The following CALN1 variants were observed in gnomAD, a reference collection of about 807,000 sequenced individuals.
The protein encoded by CALN1 is calcium-binding protein 8.
A neutral mutation model predicts 30.6 loss-of-function variants in CALN1; 17 were observed. The ratio of observed to expected loss-of-function variants is 0.56; its 90% CI spans 0.38 to 0.83. The LOEUF is 0.83. Ranked by LOEUF, CALN1 falls within the 40% of genes least tolerant of loss-of-function variation. The probability of loss-of-function intolerance (pLI) is 0.00; values close to 1 mark genes in which losing one functional copy is unlikely to be tolerated. For synonymous variants in CALN1, 156 were observed against 131.4 expected (o/e 1.19, Z -1.28); for missense variants, 291 against 354.9 (o/e 0.82, Z 1.45).
chr7:72,261,872 G>C (rs533299578), intron 3 of CALN1, among the ~76,000 whole-genome samples: 4 of 152,292 alleles, frequency 2.6e-5, no homozygotes, highest in African/African-American at 7.2e-5. Context: ...AAATGGCCTT[G>C]AATGTTAACC....
intron 5 of CALN1, among the ~76,000 whole-genome samples, chr7:71,959,487 T>C (rs1442658754): frequency 6.6e-6 from 1 of 152,208 alleles, no homozygotes; most frequent in Non-Finnish European, 1.5e-5. Flanking sequence ...AAAACGACTA[T>C]GTTCCTTTCC....
chr7:72,403,545 A>C (rs768727607), intron 1 of CALN1, 103 bp from the exon 2 acceptor site: 11 of 526,746 alleles, frequency 2.1e-5, no homozygotes, highest in Non-Finnish European at 3.4e-5. Context: ...CCGTGTTTAC[A>C]CAGGACAATG....
intron 6 of CALN1, among the ~76,000 whole-genome samples, chr7:71,790,416 GA>G (rs1793309086): frequency 1.4e-5 from 2 of 145,524 alleles, no homozygotes; most frequent in African/African-American, 5.1e-5. Flanking sequence ...AAGAAAGAAA[GA>G]AAGAAAGAAG....
At chr7:72,224,165 C>A (rs1223605177) in intron 3 of CALN1, among the ~76,000 whole-genome samples, 1 of 151,848 alleles carries the variant, frequency 6.6e-6, no homozygotes, top group Non-Finnish European at 1.5e-5. Context: ...CATATGTACC[C>A]CCTTGAATCT....
At chr7:72,393,881 C>T (rs1389994637) in intron 2 of CALN1, among the ~76,000 whole-genome samples, 1 of 152,038 alleles carries the variant, frequency 6.6e-6, no homozygotes, top group African/African-American at 2.4e-5. Flanking sequence ...TCCTGAGTAG[C>T]TAGGATTACA....
chr7:71,852,764 G>A (rs1038432631), intron 5 of CALN1, among the ~76,000 whole-genome samples: 2 of 152,150 alleles, frequency 1.3e-5, no homozygotes, highest in East Asian at 1.9e-4. Flanking sequence ...TGGGCAAGAA[G>A]TGGGTAACTC....
chr7:71,854,377 G>C (rs1415322475), intron 5 of CALN1, among the ~76,000 whole-genome samples: 3 of 150,510 alleles, frequency 2.0e-5, no homozygotes, highest in Non-Finnish European at 4.4e-5. Context: ...GACAGACAGA[G>C]AAAGAAAGAA....
At chr7:72,181,528 G>T (rs1251533678) in intron 3 of CALN1, among the ~76,000 whole-genome samples, 1 of 151,190 alleles carries the variant, frequency 6.6e-6, no homozygotes, top group Admixed American at 6.6e-5. Context: ...ACCCAGGCTG[G>T]AGTGCTATGG....
chr7:72,021,134 G>A (rs1430282164), intron 5 of CALN1, among the ~76,000 whole-genome samples: 1 of 152,070 alleles, frequency 6.6e-6, no homozygotes, highest in African/African-American at 2.4e-5. Flanking sequence ...ATATAGCAGG[G>A]TATGGTGGCT....
At chr7:72,017,301 T>C (rs1800452491) in intron 5 of CALN1, among the ~76,000 whole-genome samples, 1 of 150,100 alleles carries the variant, frequency 6.7e-6, no homozygotes, top group South Asian at 2.1e-4. Flanking sequence ...TTCTGGGGAG[T>C]AGATGCAGGT....
chr7:72,364,961 G>A (rs1803793960), intron 2 of CALN1, among the ~76,000 whole-genome samples: 1 of 150,988 alleles, frequency 6.6e-6, no homozygotes, highest in Non-Finnish European at 1.5e-5. Context: ...CCTGAGGTCA[G>A]GAGTTTGGGA....
intron 1 of CALN1, among the ~76,000 whole-genome samples, chr7:72,432,778 G>A (rs1808017571): frequency 6.6e-6 from 1 of 152,160 alleles, no homozygotes; most frequent in Non-Finnish European, 1.5e-5. Flanking sequence ...GCTCTCTGAA[G>A]TTGGCTACTT....
intron 3 of CALN1, among the ~76,000 whole-genome samples, chr7:72,110,475 C>T (rs1309029733): frequency 4.6e-5 from 7 of 152,188 alleles, no homozygotes; most frequent in East Asian, 1.9e-4. Flanking sequence ...CCCAGGACAG[C>T]GCAGGCCACA....
intron 5 of CALN1, among the ~76,000 whole-genome samples, chr7:71,847,600 T>C (rs1412859860): frequency 6.6e-6 from 1 of 151,054 alleles, no homozygotes; most frequent in Non-Finnish European, 1.5e-5. Context: ...AAGAATCTCT[T>C]GAACCCAGGG....
At chr7:72,026,213 T>C (rs1186266210) in intron 4 of CALN1, among the ~76,000 whole-genome samples, 1 of 152,154 alleles carries the variant, frequency 6.6e-6, no homozygotes, top group African/African-American at 2.4e-5. Context: ...CCTGGTGTAC[T>C]TGTCCCAGAT....
At chr7:71,912,779 C>G (rs1291182951) in intron 5 of CALN1, among the ~76,000 whole-genome samples, 1 of 152,158 alleles carries the variant, frequency 6.6e-6, no homozygotes, top group Non-Finnish European at 1.5e-5. Flanking sequence ...GAATCCATGT[C>G]CAATGATTCC....
chr7:72,344,108 G>C (rs1008813233), intron 2 of CALN1, among the ~76,000 whole-genome samples: 5 of 151,990 alleles, frequency 3.3e-5, no homozygotes, highest in Middle Eastern at 3.2e-3. Context: ...GCAGTGGCTT[G>C]ATTTCAGAAA....
chr7:71,801,408 GTATGTATGTATGTATGTATGTATC>G (rs1584248356), intron 6 of CALN1, among the ~76,000 whole-genome samples: 1 of 135,564 alleles, frequency 7.4e-6, no homozygotes, highest in South Asian at 2.5e-4. Context: ...ATGTATGTAT[GTATGTATGTATGTATGTATGTATC>G]TATCTATCTA....
At chr7:71,920,955 C>T (rs1204685182) in intron 5 of CALN1, among the ~76,000 whole-genome samples, 1 of 152,112 alleles carries the variant, frequency 6.6e-6, no homozygotes, top group South Asian at 2.1e-4. Flanking sequence ...GGAACCAATC[C>T]AAATGCCTAT....
Sources: allele counts gnomAD v4.1 joint callset (sites outside exome capture counted in the v4.1 genomes callset), GRCh38; gene constraint gnomAD v4.1.1; transcripts MANE v1.5; gene names NCBI Gene and HGNC (gene_info 2026-07-23, HGNC 2026-07-21).